MTHFS: variants seen among roughly 807,000 people sequenced by gnomAD.
MTHFS encodes 5-formyltetrahydrofolate cyclo-ligase.
Under a neutral mutation model 12.7 loss-of-function variants are expected in MTHFS, and 7 were observed. The ratio of observed to expected loss-of-function variants is 0.55; its 90% CI spans 0.31 to 1.03. The LOEUF is 1.03. MTHFS is among the 50% of genes least tolerant of loss of function. The pLI is 0.05. For synonymous variants in MTHFS, 100 were observed against 97.1 expected (o/e 1.03, Z -0.18); for missense variants, 252 against 258.1 (o/e 0.98, Z 0.16).
chr15:79,889,768 G>C (rs910157591), intron 1 of MTHFS, among the ~76,000 whole-genome samples: 1 of 152,058 alleles, frequency 6.6e-6, no homozygotes, highest in Non-Finnish European at 1.5e-5. Context: ...TCCACTCCTT[G>C]GATTGTCAGG....
At chr15:79,883,026 T>C (rs1004982930) in intron 2 of MTHFS, among the ~76,000 whole-genome samples, 5 of 152,100 alleles carry the variant, frequency 3.3e-5, no homozygotes, top group African/African-American at 1.2e-4. Flanking sequence ...GGCAACAGAG[T>C]AGACGTGTCT....
intron 2 of MTHFS, among the ~76,000 whole-genome samples, chr15:79,871,738 G>A (rs2034109352): frequency 6.6e-6 from 1 of 152,070 alleles, no homozygotes; most frequent in Non-Finnish European, 1.5e-5. Context: ...AATGTTTGAA[G>A]TGACAATTTG....
At chr15:79,887,389 C>T (rs1239127397) in intron 2 of MTHFS, among the ~76,000 whole-genome samples, 2 of 152,198 alleles carry the variant, frequency 1.3e-5, no homozygotes, top group African/African-American at 2.4e-5. Context: ...CACAAAAGTT[C>T]AAAGTAACAC....
Position 79,854,360 on chromosome 15 carries a change from G to A in MTHFS, c.380-8918C>T, listed in dbSNP as rs954528759. On this transcript the variant is annotated intron_variant, in intron 2 of 2. Coordinates refer to ENST00000258874, the MANE Select transcript of MTHFS (RefSeq NM_006441.4). ...GGGGAGGGCATGGTTATAAGAACCC[G>A]CATAGCTGCGATGAGAAGGCTGCCT... Among the ~76,000 whole-genome samples the A allele has an allele frequency of 1.2e-4, 19 of 152,364 alleles. 1 individual carries two copies. Among genetic ancestry groups the A allele is most frequent in the African/African-American group, 3.1e-4 (13 of 41,582 alleles).
intron 1 of MTHFS, 63 bp from the exon 2 acceptor site, chr15:79,889,417 T>G (rs1390479359): frequency 6.8e-7 from 1 of 1,466,134 alleles, no homozygotes; most frequent in Non-Finnish European, 9.1e-7. Context: ...CTCTTAACAA[T>G]TCCTCCTTTC....
chr15:79,860,325 C>T (rs897546784), intron 2 of MTHFS, among the ~76,000 whole-genome samples: 2 of 151,364 alleles, frequency 1.3e-5, no homozygotes, highest in African/African-American at 4.9e-5. Context: ...GGAGGCAGAG[C>T]TTGCAGTGAA....
At chr15:79,894,477 T>C (rs982925490) in intron 1 of MTHFS, among the ~76,000 whole-genome samples, 3 of 152,234 alleles carry the variant, frequency 2.0e-5, no homozygotes, top group African/African-American at 7.2e-5. Flanking sequence ...TAAAATGTAT[T>C]TATTACTGAG....
intron 2 of MTHFS, among the ~76,000 whole-genome samples, chr15:79,880,968 GC>G (rs1382965836): frequency 6.6e-6 from 1 of 152,114 alleles, no homozygotes; most frequent in African/African-American, 2.4e-5. Context: ...TTTAAGCTGG[GC>G]ATTCATTTAC....
chr15:79,845,493 A>G (rs1325936715), intron 2 of MTHFS, 51 bp from the exon 3 acceptor site: 1 of 1,579,126 alleles, frequency 6.3e-7, no homozygotes. Context: ...CTGAAAGATC[A>G]TTTCAGGATG....
At chr15:79,893,956 C>T (rs894854942) in intron 1 of MTHFS, among the ~76,000 whole-genome samples, 1 of 152,194 alleles carries the variant, frequency 6.6e-6, no homozygotes, top group African/African-American at 2.4e-5. Context: ...AAATGAAAGA[C>T]ATCATTTAAC....
At chr15:79,847,833 T>C (rs2033646903) in intron 2 of MTHFS, among the ~76,000 whole-genome samples, 1 of 151,810 alleles carries the variant, frequency 6.6e-6, no homozygotes, top group Non-Finnish European at 1.5e-5. Context: ...ATGTCCAATA[T>C]CCAAAAAATA....
chr15:79,885,826 A>T (rs1262119528), intron 2 of MTHFS, among the ~76,000 whole-genome samples: 1 of 152,258 alleles, frequency 6.6e-6, no homozygotes, highest in Non-Finnish European at 1.5e-5. Flanking sequence ...ACTGATATAG[A>T]TGGAAGCAAA....
chr15:79,846,372 G>A (rs1283782170), intron 2 of MTHFS, among the ~76,000 whole-genome samples: 7 of 152,200 alleles, frequency 4.6e-5, no homozygotes, highest in African/African-American at 1.4e-4. Flanking sequence ...TGTCCTGGGG[G>A]TTTCTGGGTG....
Position 79,848,423 on chromosome 15 carries a change from G to A in MTHFS, c.380-2981C>T, listed in dbSNP as rs889747211. On this transcript the variant is annotated intron_variant, in intron 2 of 2. Transcript: ENST00000258874. The stretch of plus-strand genomic sequence containing the variant: ...GATGAAAAAGTTCTAGAGATCTGCT[G>A]TACAACTGTGCTTACAGTTAACAAT... Among the ~76,000 whole-genome samples, 49 of 152,192 alleles carry A rather than the reference G, an allele frequency of 3.2e-4. 1 individual carries two copies. Among genetic ancestry groups the A allele is most frequent in the Non-Finnish European group, 6.2e-4 (42 of 68,034 alleles).
rs2034430853 is a variant in MTHFS at position 79,889,209 on chromosome 15, T to C, written c.263A>G (p.Asn88Ser). 1 of 1,614,182 alleles carries C rather than the reference T, an allele frequency of 6.2e-7. No homozygotes were observed. Among genetic ancestry groups the C allele is most frequent in the East Asian group, 2.2e-5 (1 of 44,876 alleles). ...CFIPRYRFQS[N>S]HMDMVRIESP... ...TTCTATTCTCACCATATCCATGTGATTGCTCTGGAACCGGTACCGAGGGAT... is the reference window on the plus strand; with the variant it reads ...TTCTATTCTCACCATATCCATGTGACTGCTCTGGAACCGGTACCGAGGGAT... The change falls in exon 2 of 3, where the codon AAT becomes AGT. Residue 88 changes from asparagine (N) to serine (S), a missense_variant. Physicochemically the swap from Asn to Ser is conservative, Grantham distance 46. Transcript: ENST00000258874.
intron 2 of MTHFS, among the ~76,000 whole-genome samples, chr15:79,870,286 T>C (rs1179227197): frequency 6.6e-6 from 1 of 152,074 alleles, no homozygotes; most frequent in African/African-American, 2.4e-5. Context: ...GTAAATAGAG[T>C]TGTATTGGAA....
rs963612386 is a variant in MTHFS at position 79,843,746 on chromosome 15, A to C, written c.*1464T>G. The C allele has an allele frequency of 1.3e-5, 2 of 152,342 alleles. No homozygotes were observed. The highest frequency in any genetic ancestry group is 4.8e-5 in the African/African-American group (2 of 41,588). The allele number at this position is 152,342 out of a possible 1,614,324, so 9.4% of individuals were successfully genotyped here. A position where few individuals can be genotyped will look rare whatever the true frequency, so the allele number is the denominator to read the frequency against. On this transcript the variant is annotated 3_prime_UTR_variant, in exon 3 of 3. Transcript: ENST00000258874. Reference sequence around the variant, plus strand: ...TATAAAGATCACTTCTTTTCTTTGGAGCTCACAGTATGGTGAAGGGGACAG... The same window carrying C: ...TATAAAGATCACTTCTTTTCTTTGGCGCTCACAGTATGGTGAAGGGGACAG...
At chr15:79,881,214 C>T (rs894425897) in intron 2 of MTHFS, among the ~76,000 whole-genome samples, 4 of 152,084 alleles carry the variant, frequency 2.6e-5, no homozygotes, top group Admixed American at 6.5e-5. Flanking sequence ...CTATATGTAG[C>T]GAGGTTTAAG....
intron 2 of MTHFS, among the ~76,000 whole-genome samples, chr15:79,847,996 T>A (rs2141339047): frequency 1.3e-5 from 2 of 152,284 alleles, no homozygotes; most frequent in Admixed American, 1.3e-4. Context: ...CAATCCCACT[T>A]CTGGGTATTT....
Sources: allele counts gnomAD v4.1 joint callset (sites outside exome capture counted in the v4.1 genomes callset), GRCh38; gene constraint gnomAD v4.1.1; transcripts MANE v1.5; gene names NCBI Gene and HGNC (gene_info 2026-07-23, HGNC 2026-07-21).